The following LIPC variants were observed in gnomAD, a reference collection of about 807,000 sequenced individuals.
The protein encoded by LIPC is lipase C, hepatic type, also known as hepatic triacylglycerol lipase.
Under a neutral mutation model 50.7 loss-of-function variants are expected in LIPC, and 44 were observed. The observed-to-expected ratio is 0.87, with a 90% confidence interval of 0.68 to 1.11. The LOEUF is 1.11. Among genes scored for constraint, LIPC ranks in the 50% most tolerant of loss-of-function variants. The pLI is 0.00. For synonymous variants in LIPC, 271 were observed against 256.4 expected (o/e 1.06, Z -0.54); for missense variants, 697 against 648.2 (o/e 1.08, Z -0.82).
chr15:58,480,319 G>T (rs771548840), intron 1 of LIPC, among the ~76,000 whole-genome samples: 1 of 152,018 alleles, frequency 6.6e-6, no homozygotes, highest in South Asian at 2.1e-4. Flanking sequence ...TTTCGAAATG[G>T]AGTCTCGCTT....
At chr15:58,556,316 G>T (rs1893949750) in intron 6 of LIPC, among the ~76,000 whole-genome samples, 1 of 152,164 alleles carries the variant, frequency 6.6e-6, no homozygotes, top group African/African-American at 2.4e-5. Flanking sequence ...TTCCGAGATG[G>T]CCTTTGGGGA....
intron 6 of LIPC, among the ~76,000 whole-genome samples, chr15:58,554,060 T>A (rs45500398): frequency 0.36 from 54,246 of 152,058 alleles, 12,263 homozygotes; most frequent in Non-Finnish European, 0.51. Flanking sequence ...AGAGCCAACA[T>A]CTAATGATTC....
chr15:58,464,743 C>T (rs947772461), intron 1 of LIPC, among the ~76,000 whole-genome samples: 3 of 152,142 alleles, frequency 2.0e-5, no homozygotes, highest in Non-Finnish European at 2.9e-5. Flanking sequence ...GAAGCCAAGG[C>T]GGGCAGATCA....
chr15:58,467,411 C>G (rs937063541), intron 1 of LIPC, among the ~76,000 whole-genome samples: 2 of 152,186 alleles, frequency 1.3e-5, no homozygotes, highest in Non-Finnish European at 2.9e-5. Flanking sequence ...GGTTTCCGCT[C>G]CGTTGCTTAT....
intron 1 of LIPC, among the ~76,000 whole-genome samples, chr15:58,485,742 G>A (rs1264034447): frequency 2.6e-5 from 4 of 152,244 alleles, no homozygotes; most frequent in Non-Finnish European, 4.4e-5. Context: ...TGGCATAAGC[G>A]AGAGAGCCCA....
At chr15:58,559,341 AG>A (rs1156458018) in intron 6 of LIPC, among the ~76,000 whole-genome samples, 1 of 152,212 alleles carries the variant, frequency 6.6e-6, no homozygotes, top group Non-Finnish European at 1.5e-5. Context: ...ATCCCACAAA[AG>A]TTTATTAAGC....
chr15:58,514,219 C>T (rs1283875728), intron 1 of LIPC, among the ~76,000 whole-genome samples: 1 of 152,208 alleles, frequency 6.6e-6, no homozygotes, highest in African/African-American at 2.4e-5. Flanking sequence ...GCACGCTTCT[C>T]GCCCTTTCTA....
chr15:58,499,512 G>C (rs1372869090), intron 1 of LIPC, among the ~76,000 whole-genome samples: 2 of 152,292 alleles, frequency 1.3e-5, no homozygotes, highest in South Asian at 4.1e-4. Flanking sequence ...AACCTGAAAA[G>C]AACCAATAGT....
chr15:58,511,291 G>A (rs1055208346), intron 1 of LIPC, among the ~76,000 whole-genome samples: 4 of 152,072 alleles, frequency 2.6e-5, no homozygotes, highest in Admixed American at 1.3e-4. Flanking sequence ...TCTCTGTCTC[G>A]GGGATCTGCC....
intron 1 of LIPC, among the ~76,000 whole-genome samples, chr15:58,524,876 C>T (rs1892756206): frequency 6.6e-6 from 1 of 151,978 alleles, no homozygotes; most frequent in Non-Finnish European, 1.5e-5. Context: ...TTTGCCTCTG[C>T]TTATGGTCTT....
At chr15:58,467,225 C>G (rs1363603806) in intron 1 of LIPC, among the ~76,000 whole-genome samples, 3 of 152,174 alleles carry the variant, frequency 2.0e-5, no homozygotes, top group African/African-American at 7.2e-5. Flanking sequence ...AAATGGACTT[C>G]CGTGATCACC....
chr15:58,468,146 T>G (rs1374554830), intron 1 of LIPC, among the ~76,000 whole-genome samples: 1 of 152,168 alleles, frequency 6.6e-6, no homozygotes. Context: ...TACCCCAGAT[T>G]ATAGATAAGA....
intron 1 of LIPC, among the ~76,000 whole-genome samples, chr15:58,450,731 G>A (rs1893870655): frequency 6.6e-6 from 1 of 152,086 alleles, no homozygotes; most frequent in Admixed American, 6.6e-5. Context: ...CTTGCCACCG[G>A]GATGCTTTGC....
In LIPC at chr15:58,469,631, A is replaced by T. The variant is rs544085609; in HGVS notation, c.88+37511A>T. 2.6e-5 allele frequency among the ~76,000 whole-genome samples: 4 copies of T among 151,120 alleles called. No individual in the cohort carries two copies. In the South Asian group the frequency reaches 8.3e-4, roughly 31 times the overall value. ...CACCAGGCAGATAGACAGGTAAGAG[A>T]ACTGGGACCTTCAGGCCTGCCCTCG... On this transcript the variant is annotated intron_variant, in intron 1 of 8. Coordinates refer to ENST00000299022, the MANE Select transcript of LIPC (RefSeq NM_000236.3).
At chr15:58,461,196 A>T (rs1385075278) in intron 1 of LIPC, among the ~76,000 whole-genome samples, 3 of 152,222 alleles carry the variant, frequency 2.0e-5, no homozygotes, top group Non-Finnish European at 2.9e-5. Flanking sequence ...TAGTAACAAT[A>T]AAAAAAGCTA....
intron 2 of LIPC, among the ~76,000 whole-genome samples, chr15:58,539,156 C>G (rs1893241203): frequency 6.6e-6 from 1 of 152,142 alleles, no homozygotes; most frequent in African/African-American, 2.4e-5. Flanking sequence ...TTCCAGGAAG[C>G]ACAATGTAGT....
intron 1 of LIPC, among the ~76,000 whole-genome samples, chr15:58,461,164 A>G (rs1227872767): frequency 6.6e-6 from 1 of 152,250 alleles, no homozygotes; most frequent in African/African-American, 2.4e-5. Context: ...AAAAACTAAC[A>G]GCATTTAAAG....
At chr15:58,446,343 T>C (rs917299772) in intron 1 of LIPC, among the ~76,000 whole-genome samples, 1 of 152,308 alleles carries the variant, frequency 6.6e-6, no homozygotes, top group Middle Eastern at 3.4e-3. Flanking sequence ...CTGGAATGAA[T>C]GCCTCTTACT....
chr15:58,546,365 C>A (rs1893532253), intron 5 of LIPC, among the ~76,000 whole-genome samples: 1 of 152,226 alleles, frequency 6.6e-6, no homozygotes, highest in South Asian at 2.1e-4. Flanking sequence ...CGCCTCTATT[C>A]TGAACCACAT....
Sources: allele counts gnomAD v4.1 joint callset (sites outside exome capture counted in the v4.1 genomes callset), GRCh38; gene constraint gnomAD v4.1.1; transcripts MANE v1.5; gene names NCBI Gene and HGNC (gene_info 2026-07-23, HGNC 2026-07-21).